Variants in CRACDL observed in about 807,000 individuals in gnomAD.
The protein encoded by CRACDL is CRACD like, also known as CRACD-like protein.
CRACDL carries 26 observed loss-of-function variants against 70.6 expected under a neutral mutation model. The observed-to-expected ratio is 0.37, with a 90% CI of 0.27 to 0.51. The LOEUF (loss-of-function observed/expected upper bound fraction) is 0.51. CRACDL is among the 20% of genes least tolerant of loss of function. CRACDL has a pLI of 0.94. For missense variants in CRACDL, 1,283 were observed against 1,376.9 expected, an observed-to-expected ratio of 0.93 and a Z score of 1.08; for synonymous variants, 618 against 615.2, an observed-to-expected ratio of 1.00 and a Z score of -0.07.
At chr2:98,873,601 C>A (rs1350348152) in intron 1 of CRACDL, among the ~76,000 whole-genome samples, 1 of 152,232 alleles carries the variant, frequency 6.6e-6, no homozygotes, top group Non-Finnish European at 1.5e-5. Context: ...CATGATGTGC[C>A]ACTTAGCCCA....
chr2:98,879,125 C>G (rs66484268), intron 1 of CRACDL, among the ~76,000 whole-genome samples: 11,671 of 152,176 alleles, frequency 0.077, 623 homozygotes, highest in Admixed American at 0.17. Context: ...CTCCTGGACT[C>G]TGAGCTCCCT....
chr2:98,832,343 C>T lies in CRACDL; in HGVS notation c.540+5G>A. 5 of 1,614,156 alleles carry T rather than the reference C, an allele frequency of 3.1e-6. No homozygotes were observed. The highest frequency in any genetic ancestry group is 4.2e-6 in the Non-Finnish European group (5 of 1,180,034). ...AAGACATGCAGTGGTACAGGCCGCACTTGCCTTTATGGTGGTACCAGGACC... is the reference window on the plus strand; with the variant it reads ...AAGACATGCAGTGGTACAGGCCGCATTTGCCTTTATGGTGGTACCAGGACC... On this transcript the variant is annotated splice_donor_5th_base_variant and intron_variant, in intron 5 of 9. Transcript: ENST00000397899.
chr2:98,879,224 C>T (rs768541745), intron 1 of CRACDL, among the ~76,000 whole-genome samples: 12 of 152,232 alleles, frequency 7.9e-5, no homozygotes, highest in Non-Finnish European at 1.3e-4. Flanking sequence ...GAGTGAGCCT[C>T]ACCACCTATG....
At chr2:98,924,429 G>T (rs1344824480) in intron 1 of CRACDL, among the ~76,000 whole-genome samples, 1 of 152,190 alleles carries the variant, frequency 6.6e-6, no homozygotes, top group Non-Finnish European at 1.5e-5. Flanking sequence ...AATTAGTGGG[G>T]TAATACATGA....
intron 1 of CRACDL, among the ~76,000 whole-genome samples, chr2:98,932,779 T>A (rs1709111340): frequency 6.6e-6 from 1 of 152,204 alleles, no homozygotes; most frequent in Non-Finnish European, 1.5e-5. Flanking sequence ...AACTTCCTTT[T>A]ATGTATCAAG....
intron 1 of CRACDL, among the ~76,000 whole-genome samples, chr2:98,902,228 C>G (rs967954839): frequency 1.3e-5 from 2 of 152,152 alleles, no homozygotes; most frequent in African/African-American, 4.8e-5. Context: ...CAGGTGTAGT[C>G]ATGGACACAA....
intron 1 of CRACDL, among the ~76,000 whole-genome samples, chr2:98,922,078 G>T (rs1299224115): frequency 6.6e-6 from 1 of 151,962 alleles, no homozygotes; most frequent in Non-Finnish European, 1.5e-5. Context: ...CTTCTTTTTT[G>T]ATTTCTTTCT....
At chr2:98,906,260 CTTT>C (rs200373942) in intron 1 of CRACDL, among the ~76,000 whole-genome samples, 5 of 139,124 alleles carry the variant, frequency 3.6e-5, no homozygotes, top group Admixed American at 7.2e-5. Context: ...TTTTCTTTTC[CTTT>C]TTTTTTTTTT....
Position 98,832,923 on chromosome 2 carries a change from G to A in CRACDL, c.314C>T (p.Ala105Val). 3 of 1,613,830 alleles carry A rather than the reference G, an allele frequency of 1.9e-6. No individual in the cohort carries two copies. The highest frequency in any genetic ancestry group is 2.5e-6 in the Non-Finnish European group (3 of 1,179,666). The change falls in exon 4 of 10, where the codon GCT becomes GTT. Residue 105 changes from alanine to valine, a missense_variant. By Grantham distance (64) the Ala-to-Val change is moderately conservative (BLOSUM62 0). Transcript: ENST00000397899. ...GGAAAACACCCGCACAGGCCGAGTAGCGTCCTGTCCGGACTCAGGAATGAA... is the reference window on the plus strand; with the variant it reads ...GGAAAACACCCGCACAGGCCGAGTAACGTCCTGTCCGGACTCAGGAATGAA... ...SIFIPESGQDATRPVRVFSQE... is the reference protein window; with the variant it reads ...SIFIPESGQDVTRPVRVFSQE...
chr2:98,900,488 C>A (rs1302561528), intron 1 of CRACDL, among the ~76,000 whole-genome samples: 1 of 151,982 alleles, frequency 6.6e-6, no homozygotes, highest in African/African-American at 2.4e-5. Context: ...ACCCAGCAAC[C>A]ACACCTCCAA....
At chr2:98,843,063 G>C (rs1706102479) in intron 2 of CRACDL, among the ~76,000 whole-genome samples, 1 of 152,106 alleles carries the variant, frequency 6.6e-6, no homozygotes, top group Non-Finnish European at 1.5e-5. Flanking sequence ...ATCAGCTCCT[G>C]TTGTTATGGT....
At chr2:98,917,045 C>G (rs947082729) in intron 1 of CRACDL, among the ~76,000 whole-genome samples, 1 of 152,252 alleles carries the variant, frequency 6.6e-6, no homozygotes, top group Non-Finnish European at 1.5e-5. Flanking sequence ...TATCTTGGCA[C>G]TGGCCCCTGC....
At chr2:98,876,322 A>G (rs1191965309) in intron 1 of CRACDL, among the ~76,000 whole-genome samples, 1 of 152,178 alleles carries the variant, frequency 6.6e-6, no homozygotes, top group Non-Finnish European at 1.5e-5. Context: ...GACAAGCAGC[A>G]TGAATGCTCT....
At position 98,823,679 on chromosome 2, in the gene CRACDL, G is replaced by C; in HGVS notation, c.736-142C>G. 3 of 1,032,100 alleles carry C rather than the reference G, an allele frequency of 2.9e-6. No homozygotes were observed. The highest frequency in any genetic ancestry group is 3.2e-5 in the African/African-American group (2 of 62,044). 63.9% of individuals were successfully genotyped at this position (1,032,100 alleles called of 1,614,324 possible). A position where few individuals can be genotyped will look rare whatever the true frequency, so the allele number is the denominator to read the frequency against. ...CACTTAAGTAGGCATGTACCCACGG[G>C]TGTCTTTTCTCAGTCTGTATCCTAC... On this transcript the variant is annotated intron_variant, in intron 6 of 9. Transcript: ENST00000397899. This position sits in a 1 kb window ranked among gnomAD's most constrained non-coding sequence, Gnocchi z 4.0.
chr2:98,922,173 C>T (rs1464298052), intron 1 of CRACDL, among the ~76,000 whole-genome samples: 4 of 152,070 alleles, frequency 2.6e-5, no homozygotes, highest in Non-Finnish European at 5.9e-5. Context: ...CGGTGGCTCA[C>T]GCCTGTGATC....
At position 98,821,867 on chromosome 2, in the gene CRACDL, G is replaced by A. The variant is rs752135060; in HGVS notation, c.2406C>T (p.Arg802=). Residue 802 remains arginine (R), a synonymous_variant, in exon 7 of 10, where the codon CGC becomes CGT. Coordinates refer to ENST00000397899, the MANE Select transcript of CRACDL (RefSeq NM_207362.3). ...TCGGCGGGCTCTTACCAGCTCCCCT[G>A]CGCAGCGGCCTTTTCTCCGCCGTCC... The part of the protein sequence containing the change: ...EPRTAEKRPL[R]RGAEKSLPPA... 2 of 1,607,242 alleles carry A rather than the reference G, an allele frequency of 1.2e-6. No homozygotes were observed. The highest frequency in any genetic ancestry group is 2.2e-5 in the East Asian group (1 of 44,724).
chr2:98,829,527 A>G (rs1045668894), intron 5 of CRACDL, among the ~76,000 whole-genome samples: 1 of 152,152 alleles, frequency 6.6e-6, no homozygotes, highest in Non-Finnish European at 1.5e-5. Context: ...AGCTGGCTTC[A>G]TGGGAGGGCT....
intron 1 of CRACDL, among the ~76,000 whole-genome samples, chr2:98,891,054 AAAATAAAT>A (rs542567722): frequency 7.2e-5 from 11 of 151,800 alleles, no homozygotes; most frequent in Admixed American, 2.6e-4. Context: ...CTCCATCTCA[AAAATAAAT>A]AAATAAATAA....
intron 2 of CRACDL, among the ~76,000 whole-genome samples, chr2:98,842,868 T>TTG (rs67398751): frequency 0.025 from 3,614 of 145,032 alleles, 51 homozygotes; most frequent in African/African-American, 0.041. Context: ...TTGCTATAGT[T>TTG]TGTGTGTGTG....
Sources: allele counts gnomAD v4.1 joint callset (sites outside exome capture counted in the v4.1 genomes callset), GRCh38; gene constraint gnomAD v4.1.1; non-coding constraint Gnocchi (gnomAD v3.1); transcripts MANE v1.5; gene names NCBI Gene and HGNC (gene_info 2026-07-23, HGNC 2026-07-21).